Variants in GALNT13 observed in about 807,000 individuals in gnomAD.
The protein encoded by GALNT13 is polypeptide N-acetylgalactosaminyltransferase 13.
Under a neutral mutation model 64.2 loss-of-function variants are expected in GALNT13, and 28 were observed. The observed-to-expected ratio is 0.44, with a 90% CI of 0.32 to 0.60. The LOEUF (loss-of-function observed/expected upper bound fraction) is 0.60. Ranked by LOEUF, GALNT13 falls within the 20% of genes least tolerant of loss-of-function variation. The pLI is 0.05. For missense variants in GALNT13, 577 were observed against 669.8 expected (o/e 0.86, Z 1.53); for synonymous variants, 214 against 224.6 (o/e 0.95, Z 0.42).
At chr2:153,087,273 C>T in the GALNT13 span, among the ~76,000 whole-genome samples, 1 of 152,036 alleles carries the variant, frequency 6.6e-6, no homozygotes, top group Non-Finnish European at 1.5e-5. Context: ...ATTATGTGAT[C>T]TATCATATTT....
chr2:154,149,756 A>G (rs574019438), intron 4 of GALNT13, among the ~76,000 whole-genome samples: 8 of 152,038 alleles, frequency 5.3e-5, no homozygotes, highest in African/African-American at 7.2e-5. Context: ...AAGAATGCTC[A>G]TGATTTTTGT....
chr2:153,758,098 A>C, the GALNT13 span, among the ~76,000 whole-genome samples: 1 of 152,054 alleles, frequency 6.6e-6, no homozygotes, highest in Non-Finnish European at 1.5e-5. Context: ...TTTCTCTTTT[A>C]GTAGTTTTAC....
At chr2:154,156,338 A>G (rs1684420246) in intron 4 of GALNT13, among the ~76,000 whole-genome samples, 1 of 152,118 alleles carries the variant, frequency 6.6e-6, no homozygotes, top group East Asian at 1.9e-4. Context: ...ATTTAAAAGC[A>G]AGTGTAGCAC....
the GALNT13 span, among the ~76,000 whole-genome samples, chr2:153,409,630 TCAGA>T: frequency 1.8e-4 from 28 of 151,818 alleles, no homozygotes; most frequent in Non-Finnish European, 3.8e-4. Flanking sequence ...AATTAGGTAA[TCAGA>T]CAGCAAGAAG....
the GALNT13 span, among the ~76,000 whole-genome samples, chr2:153,357,038 G>C: frequency 6.6e-6 from 1 of 151,968 alleles, no homozygotes; most frequent in Non-Finnish European, 1.5e-5. Context: ...TCGATCTCCT[G>C]ATCTCTCAAT....
chr2:153,907,533 T>G (rs1382842379), intron 2 of GALNT13, among the ~76,000 whole-genome samples: 2 of 151,938 alleles, frequency 1.3e-5, no homozygotes, highest in African/African-American at 4.8e-5. Context: ...TGGTTATTTT[T>G]TTCTGTTCCT....
At chr2:153,410,547 T>C in the GALNT13 span, among the ~76,000 whole-genome samples, 8 of 151,970 alleles carry the variant, frequency 5.3e-5, no homozygotes, top group Non-Finnish European at 7.4e-5. Context: ...CAGACAATCA[T>C]CAGAGAAGGG....
the GALNT13 span, among the ~76,000 whole-genome samples, chr2:153,192,405 A>C: frequency 7.9e-5 from 12 of 152,154 alleles, no homozygotes; most frequent in East Asian, 2.3e-3. Flanking sequence ...GAGATACTCG[A>C]TTTCAATTTT....
At chr2:153,737,631 T>C in the GALNT13 span, among the ~76,000 whole-genome samples, 1 of 152,144 alleles carries the variant, frequency 6.6e-6, no homozygotes, top group East Asian at 1.9e-4. Flanking sequence ...TCTATTTCGA[T>C]ATCTCCTTCA....
intron 3 of GALNT13, among the ~76,000 whole-genome samples, chr2:154,121,061 A>G (rs984523718): frequency 1.3e-5 from 2 of 152,246 alleles, no homozygotes; most frequent in African/African-American, 4.8e-5. Flanking sequence ...ACTGTGGGTC[A>G]GGAAAATCCT....
At chr2:153,240,126 CT>C in the GALNT13 span, among the ~76,000 whole-genome samples, 49 of 152,112 alleles carry the variant, frequency 3.2e-4, no homozygotes, top group Admixed American at 1.2e-3. Context: ...TTATCTTAAC[CT>C]CTAATAGTCC....
chr2:154,316,723 GC>G (rs918508312), intron 9 of GALNT13, among the ~76,000 whole-genome samples: 2 of 152,078 alleles, frequency 1.3e-5, no homozygotes, highest in African/African-American at 4.8e-5. Context: ...TTCTTCTTTT[GC>G]CCCAAGTCCC....
the GALNT13 span, among the ~76,000 whole-genome samples, chr2:153,353,042 A>G: frequency 6.6e-6 from 1 of 152,098 alleles, no homozygotes; most frequent in African/African-American, 2.4e-5. Context: ...TCAACTTAGG[A>G]AGAACTGACA....
At chr2:154,375,842 C>T (rs895060550) in intron 9 of GALNT13, among the ~76,000 whole-genome samples, 1 of 152,158 alleles carries the variant, frequency 6.6e-6, no homozygotes, top group Non-Finnish European at 1.5e-5. Context: ...GAAAGGCTTC[C>T]ATCTACTGGA....
At chr2:154,142,009 A>G (rs1683284953) in intron 4 of GALNT13, among the ~76,000 whole-genome samples, 1 of 152,216 alleles carries the variant, frequency 6.6e-6, no homozygotes, top group Non-Finnish European at 1.5e-5. Flanking sequence ...AACTCTTGGC[A>G]TTAATAAAAG....
At chr2:153,213,946 T>C in the GALNT13 span, among the ~76,000 whole-genome samples, 1 of 152,178 alleles carries the variant, frequency 6.6e-6, no homozygotes, top group African/African-American at 2.4e-5. Flanking sequence ...TAACTCAGCT[T>C]GTCTTTCAAG....
At chr2:153,686,442 CAACTT>C in the GALNT13 span, among the ~76,000 whole-genome samples, 10 of 151,256 alleles carry the variant, frequency 6.6e-5, no homozygotes, top group African/African-American at 2.4e-4. Flanking sequence ...ATTTGGCTCT[CAACTT>C]GACTGTTGTC....
At chr2:153,901,271 GT>G (rs746761797) in intron 2 of GALNT13, among the ~76,000 whole-genome samples, 1 of 152,046 alleles carries the variant, frequency 6.6e-6, no homozygotes, top group Non-Finnish European at 1.5e-5. Flanking sequence ...GATACCTCTA[GT>G]TTTTTCTTTA....
chr2:154,206,123 A>G (rs1471011014), intron 4 of GALNT13, among the ~76,000 whole-genome samples: 11 of 151,396 alleles, frequency 7.3e-5, no homozygotes, highest in African/African-American at 2.4e-4. Context: ...TCAGCCTCCT[A>G]AGTAGCTGGG....
Sources: allele counts gnomAD v4.1 joint callset (sites outside exome capture counted in the v4.1 genomes callset), GRCh38; gene constraint gnomAD v4.1.1; transcripts MANE v1.5; gene names NCBI Gene and HGNC (gene_info 2026-07-23, HGNC 2026-07-21).